PRDM16: variants seen among roughly 807,000 people sequenced by gnomAD.
PRDM16 encodes PR/SET domain 16, also known as histone-lysine N-methyltransferase PRDM16.
PRDM16 carries 23 observed loss-of-function variants against 110.6 expected under a neutral mutation model. The observed-to-expected ratio is 0.21, with a 90% confidence interval of 0.15 to 0.29. The LOEUF (loss-of-function observed/expected upper bound fraction) is 0.29. Ranked by LOEUF, PRDM16 falls within the 10% of genes least tolerant of loss-of-function variation. The probability of loss-of-function intolerance (pLI) is 1.00; values close to 1 mark genes in which losing one functional copy is unlikely to be tolerated. For missense variants in PRDM16, 1,615 were observed against 1,794.3 expected (o/e 0.90, Z 1.81); for synonymous variants, 799 against 781.8 (o/e 1.02, Z -0.37).
At chr1:3,422,840 C>T (rs1451586046) in intron 12 of PRDM16, among the ~76,000 whole-genome samples, 1 of 152,254 alleles carries the variant, frequency 6.6e-6, no homozygotes, top group Non-Finnish European at 1.5e-5. Context: ...AGGGCGCTGC[C>T]TGTCACTGGG....
intron 3 of PRDM16, among the ~76,000 whole-genome samples, chr1:3,369,081 G>C (rs953946348): frequency 6.6e-6 from 1 of 152,200 alleles, no homozygotes; most frequent in African/African-American, 2.4e-5. Context: ...GTGAGGACCT[G>C]AAAGGGATCC....
At chr1:3,312,579 G>A (rs928578526) in intron 3 of PRDM16, among the ~76,000 whole-genome samples, 2 of 152,234 alleles carry the variant, frequency 1.3e-5, no homozygotes, top group Non-Finnish European at 2.9e-5. Context: ...TGGGGTTCCC[G>A]GGATGGGTTG....
intron 2 of PRDM16, among the ~76,000 whole-genome samples, chr1:3,225,578 G>GCGCA (rs1553149444): frequency 5.3e-5 from 8 of 150,224 alleles, no homozygotes; most frequent in African/African-American, 2.0e-4. Context: ...GTGTGTGCGC[G>GCGCA]CGCGCAGAAG....
chr1:3,426,102 C>G lies in PRDM16; in HGVS notation c.3161C>G (p.Ser1054Cys), dbSNP rs1302141824. Residue 1054 changes from serine to cysteine, a missense_variant, in exon 14 of 17, where the codon TCT (serine) becomes TGT (cysteine). Physicochemically the swap from Ser to Cys is moderately radical, Grantham distance 112. This residue lies in a region of PRDM16 where 327 missense variants were observed against 359.3 expected (regional missense o/e 0.91). Transcript: ENST00000270722. ...LTNHLGTSAS[S>C]PTSESDNHAL... ...AACCACCTGGGGACCAGCGCGTCCT[C>G]TCCCACCTCAGAGTCGGACAACCAC... 2 of 1,613,842 alleles carry G rather than the reference C, an allele frequency of 1.2e-6. No homozygotes were observed. Among genetic ancestry groups the G allele is most frequent in the African/African-American group, 1.3e-5 (1 of 74,928 alleles).
At chr1:3,115,300 C>T (rs560855490) in intron 1 of PRDM16, among the ~76,000 whole-genome samples, 1 of 152,338 alleles carries the variant, frequency 6.6e-6, no homozygotes, top group South Asian at 2.1e-4. Flanking sequence ...GGCAGAGGGG[C>T]TGTGAGAATG....
In PRDM16 at chr1:3,244,006, C is replaced by G; in HGVS notation, c.388-81C>G. The G allele has an allele frequency of 1.4e-6, 2 of 1,437,258 alleles. No individual in the cohort carries two copies. The highest frequency in any genetic ancestry group is 9.8e-7 in the Non-Finnish European group (1 of 1,019,676). The allele number at this position is 1,437,258 out of a possible 1,614,324, so 89.0% of individuals were successfully genotyped here. On this transcript the variant is annotated intron_variant, in intron 2 of 16. Transcript: ENST00000270722. This position sits in a 1 kb window ranked among gnomAD's most constrained non-coding sequence, Gnocchi z 4.1. Reference sequence around the variant, plus strand: ...CCTGTGACTTTTGGGGACAGTGGTTCTGCCCCCACCATTTAGAACCCAGTG... The same window carrying G: ...CCTGTGACTTTTGGGGACAGTGGTTGTGCCCCCACCATTTAGAACCCAGTG...
chr1:3,288,775 C>G (rs1243512498), intron 3 of PRDM16, among the ~76,000 whole-genome samples: 1 of 152,190 alleles, frequency 6.6e-6, no homozygotes, highest in African/African-American at 2.4e-5. Flanking sequence ...CCAGCCCTCC[C>G]TGCCTTGCAG....
At chr1:3,181,702 ACGGTCTTACACACG>A (rs1229313882) in intron 1 of PRDM16, among the ~76,000 whole-genome samples, 5,451 of 134,068 alleles carry the variant, frequency 0.041, 334 homozygotes, top group East Asian at 0.17. Flanking sequence ...GGTCTTACAC[ACGGTCTTACACACG>A]CAGTCTTACA....
chr1:3,138,686 C>T (rs1452759047), intron 1 of PRDM16, among the ~76,000 whole-genome samples: 1 of 152,232 alleles, frequency 6.6e-6, no homozygotes, highest in African/African-American at 2.4e-5. Context: ...TGGGGCAAGA[C>T]AGCGTTCCAG....
intron 1 of PRDM16, among the ~76,000 whole-genome samples, chr1:3,126,452 C>T (rs1322725441): frequency 8.5e-5 from 13 of 152,212 alleles, no homozygotes; most frequent in Non-Finnish European, 1.6e-4. Flanking sequence ...TACCTGCAGG[C>T]AGCACCTGGG....
chr1:3,099,311 C>A (rs547243905), intron 1 of PRDM16, among the ~76,000 whole-genome samples: 1 of 152,372 alleles, frequency 6.6e-6, no homozygotes, highest in East Asian at 1.9e-4. Flanking sequence ...AACTCCTATT[C>A]CTGTAACATA....
At chr1:3,087,055 A>G (rs1051033947) in intron 1 of PRDM16, among the ~76,000 whole-genome samples, 8 of 152,298 alleles carry the variant, frequency 5.3e-5, no homozygotes, top group Non-Finnish European at 8.8e-5. Context: ...CGTAGTTCAT[A>G]TGGAAACGCT....
At chr1:3,336,404 G>T (rs1381485585) in intron 3 of PRDM16, among the ~76,000 whole-genome samples, 1 of 152,202 alleles carries the variant, frequency 6.6e-6, no homozygotes, top group Non-Finnish European at 1.5e-5. Context: ...ATGCACATGT[G>T]TGTTGGTGTG....
rs114009370 is a variant in PRDM16 at position 3,298,867 on chromosome 1, T to G, written c.438+54730T>G. On this transcript the variant is annotated intron_variant, in intron 3 of 16. Transcript: ENST00000270722. ...AAAAGAGCTTTTGTCTTTGGACTTT[T>G]GCTTTGCTGTAAGTCCCTTCCGTAG... Among the ~76,000 whole-genome samples the G allele has an allele frequency of 7.7e-3, 1,172 of 152,320 alleles. 15 individuals are homozygous for G. Among genetic ancestry groups the G allele is most frequent in the African/African-American group, 0.027 (1,108 of 41,562 alleles).
In PRDM16 at chr1:3,157,438, A is replaced by AC; in HGVS notation, c.38-28687_38-28686insC. Among the ~76,000 whole-genome samples, 1 of 151,416 alleles carries AC rather than the reference A, an allele frequency of 6.6e-6. No homozygotes were observed. Among genetic ancestry groups the AC allele is most frequent in the South Asian group, 2.1e-4 (1 of 4,804 alleles). On this transcript the variant is annotated intron_variant, in intron 1 of 16. Transcript: ENST00000270722. The surrounding 1 kb of genome is among the most constrained non-coding windows in gnomAD (Gnocchi z 4.8). ...CGATCCCATTAAAAAAAAAAAAAAA[A>AC]AAAACACCTTTGTGGGGGCTGGGGG...
intron 3 of PRDM16, among the ~76,000 whole-genome samples, chr1:3,357,913 G>A (rs778490406): frequency 2.4e-4 from 37 of 152,236 alleles, no homozygotes; most frequent in Admixed American, 2.0e-4. Context: ...CCATGGTGAG[G>A]CAGAGAAACC....
chr1:3,364,952 C>T (rs1362818547), intron 3 of PRDM16, among the ~76,000 whole-genome samples: 8 of 152,192 alleles, frequency 5.3e-5, no homozygotes, highest in African/African-American at 1.7e-4. Context: ...CTCATTCCCT[C>T]GTGCAGCCTG....
At chr1:3,336,873 G>C (rs1642167767) in intron 3 of PRDM16, among the ~76,000 whole-genome samples, 1 of 151,264 alleles carries the variant, frequency 6.6e-6, no homozygotes, top group Non-Finnish European at 1.5e-5. Flanking sequence ...ATGTGCATGT[G>C]TGAGTGCATG....
intron 1 of PRDM16, among the ~76,000 whole-genome samples, chr1:3,085,361 G>A (rs1445304837): frequency 2.6e-5 from 4 of 152,226 alleles, no homozygotes; most frequent in Non-Finnish European, 1.5e-5. Flanking sequence ...GGACCTGGGG[G>A]ACTACAGGGG....
Sources: allele counts gnomAD v4.1 joint callset (sites outside exome capture counted in the v4.1 genomes callset), GRCh38; gene constraint gnomAD v4.1.1; regional missense constraint gnomAD v4.1.1; non-coding constraint Gnocchi (gnomAD v3.1); transcripts MANE v1.5; gene names NCBI Gene and HGNC (gene_info 2026-07-23, HGNC 2026-07-21).